Variants in MACROD1 observed in about 807,000 individuals in gnomAD.
The protein encoded by MACROD1 is ADP-ribose glycohydrolase MACROD1.
A neutral mutation model predicts 41.4 loss-of-function variants in MACROD1; 31 were observed. The ratio of observed to expected loss-of-function variants is 0.75; its 90% CI spans 0.56 to 1.01. The LOEUF (loss-of-function observed/expected upper bound fraction) is 1.01. Ranked by LOEUF, MACROD1 falls within the 50% of genes least tolerant of loss-of-function variation. The pLI, the probability that MACROD1 is intolerant of heterozygous loss-of-function variation, is 0.00. For missense variants in MACROD1, 473 were observed against 460.0 expected (o/e 1.03, Z -0.26); for synonymous variants, 252 against 203.4 (o/e 1.24, Z -2.03).
At chr11:64,054,885 C>T (rs1372553516) in intron 3 of MACROD1, among the ~76,000 whole-genome samples, 2 of 152,048 alleles carry the variant, frequency 1.3e-5, no homozygotes, top group Admixed American at 6.6e-5. Flanking sequence ...GTGACAAATA[C>T]CCCCACTACT....
chr11:64,143,377 G>A (rs909659612), intron 3 of MACROD1, among the ~76,000 whole-genome samples: 2 of 152,046 alleles, frequency 1.3e-5, no homozygotes, highest in East Asian at 1.9e-4. Flanking sequence ...ACTCAGACAC[G>A]AGGCAACGTG....
intron 2 of MACROD1, 79 bp from the exon 3 acceptor site, chr11:64,151,434 G>T: frequency 9.4e-7 from 1 of 1,066,124 alleles, no homozygotes; most frequent in South Asian, 1.3e-5. Flanking sequence ...AGGGGCCAGG[G>T]CCTTCCCTAT....
chr11:64,116,959 G>C, intron 3 of MACROD1: 1 of 1,611,732 alleles, frequency 6.2e-7, no homozygotes, highest in Non-Finnish European at 8.5e-7. Context: ...GTGCTGGACG[G>C]TAACCTGCTG....
rs536887110 is a variant in MACROD1, at chr11:64,098,275, G to A, written c.517+52964C>T. 8.1e-4 allele frequency among the ~76,000 whole-genome samples: 124 copies of A among 152,228 alleles called. 1 individual carries two copies. Among genetic ancestry groups the A allele is most frequent in the African/African-American group, 2.7e-3 (113 of 41,536 alleles). On this transcript the variant is annotated intron_variant, in intron 3 of 10. Transcript: ENST00000255681. ...AGAGCGCCCCTAAGGCCAGGCTCCG[G>A]GCCCTGCTTCAGCTCGGATCACGGC... is the stretch of plus-strand genomic sequence containing the variant.
intron 3 of MACROD1, among the ~76,000 whole-genome samples, chr11:64,027,595 C>A (rs1041010960): frequency 2.0e-5 from 3 of 152,146 alleles, no homozygotes; most frequent in Non-Finnish European, 2.9e-5. Context: ...GGGGCTTCCA[C>A]CACCCTCTGC....
At chr11:64,044,251 CT>C (rs34174027) in intron 3 of MACROD1, among the ~76,000 whole-genome samples, 491 of 140,308 alleles carry the variant, frequency 3.5e-3, no homozygotes, top group Admixed American at 4.6e-3. Context: ...CCCCCAACAA[CT>C]TTTTTTTTTT....
intron 3 of MACROD1, among the ~76,000 whole-genome samples, chr11:64,129,264 C>T (rs746906051): frequency 1.3e-5 from 2 of 152,228 alleles, no homozygotes; most frequent in South Asian, 2.1e-4. Context: ...CCATGGGCTC[C>T]GCCAGTTACC....
At chr11:64,118,058 G>A (rs779193903) in intron 3 of MACROD1, 13 of 1,613,530 alleles carry the variant, frequency 8.1e-6, no homozygotes, top group Admixed American at 1.7e-5. Flanking sequence ...GCAGGAAAAA[G>A]GATGACTATA....
chr11:64,083,919 G>C (rs1251255848), intron 3 of MACROD1, among the ~76,000 whole-genome samples: 2 of 152,208 alleles, frequency 1.3e-5, no homozygotes, highest in Non-Finnish European at 2.9e-5. Flanking sequence ...CCGGCCCCGT[G>C]GGCAGGGGCA....
chr11:64,062,048 A>G (rs1409333931), intron 3 of MACROD1, among the ~76,000 whole-genome samples: 3 of 146,210 alleles, frequency 2.1e-5, no homozygotes, highest in Non-Finnish European at 3.0e-5. Flanking sequence ...GTCCTGTCCA[A>G]AGCCTCTGCC....
intron 3 of MACROD1, among the ~76,000 whole-genome samples, chr11:64,051,104 G>C (rs1204364408): frequency 6.6e-6 from 1 of 152,230 alleles, no homozygotes; most frequent in African/African-American, 2.4e-5. Context: ...CATGGATGCT[G>C]CCTGTGGGTG....
At position 64,146,210 on chromosome 11, in the gene MACROD1, C is replaced by A. The variant is rs749118590; in HGVS notation, c.517+5029G>T. Among the ~76,000 whole-genome samples the A allele has an allele frequency of 1.1e-4, 16 of 152,086 alleles. No homozygotes were observed. Among genetic ancestry groups the A allele is most frequent in the South Asian group, 2.1e-4 (1 of 4,818 alleles). On this transcript the variant is annotated intron_variant, in intron 3 of 10. Coordinates refer to ENST00000255681, the MANE Select transcript of MACROD1 (RefSeq NM_014067.4). The surrounding 1 kb of genome is among the most constrained non-coding windows in gnomAD (Gnocchi z 4.7). ...AGGTGGCCTAGTCAAGGTCACTGCA[C>A]CCCCGTGGTAAAAAGGAGACATAAA...
chr11:64,158,377 G>A (rs1945701649), intron 1 of MACROD1, among the ~76,000 whole-genome samples: 1 of 152,206 alleles, frequency 6.6e-6, no homozygotes, highest in Non-Finnish European at 1.5e-5. Flanking sequence ...TCTGGGCCAT[G>A]ATATATAAAA....
At chr11:64,002,801 T>G (rs1234364748) in intron 4 of MACROD1, among the ~76,000 whole-genome samples, 1 of 152,190 alleles carries the variant, frequency 6.6e-6, no homozygotes, top group Non-Finnish European at 1.5e-5. Flanking sequence ...AGACTCAAGC[T>G]TCCTGGGGTC....
intron 3 of MACROD1, chr11:64,117,471 G>A: frequency 6.2e-7 from 1 of 1,612,824 alleles, no homozygotes; most frequent in Non-Finnish European, 8.5e-7. Context: ...CCACGCCTCT[G>A]CCACCACGCC....
intron 1 of MACROD1, among the ~76,000 whole-genome samples, chr11:64,163,779 T>A (rs1474310709): frequency 1.3e-5 from 2 of 152,224 alleles, no homozygotes; most frequent in Non-Finnish European, 2.9e-5. Flanking sequence ...TTTGCTGTTT[T>A]ACGCCACTAA....
At chr11:64,106,901 A>C (rs1483231546) in intron 3 of MACROD1, among the ~76,000 whole-genome samples, 2 of 149,962 alleles carry the variant, frequency 1.3e-5, no homozygotes, top group Non-Finnish European at 3.0e-5. Context: ...TTTTTTTTTG[A>C]GATAGGGTCT....
At chr11:64,010,049 G>A (rs944239832) in intron 4 of MACROD1, among the ~76,000 whole-genome samples, 5 of 148,406 alleles carry the variant, frequency 3.4e-5, no homozygotes, top group East Asian at 2.1e-4. Context: ...TGGTTGGGGT[G>A]TTGGCTGGGG....
chr11:64,106,108 C>A (rs1944758424), intron 3 of MACROD1, among the ~76,000 whole-genome samples: 1 of 152,142 alleles, frequency 6.6e-6, no homozygotes, highest in African/African-American at 2.4e-5. Context: ...CAAGAGTCTC[C>A]CTTTGGGGTC....
Sources: allele counts gnomAD v4.1 joint callset (sites outside exome capture counted in the v4.1 genomes callset), GRCh38; gene constraint gnomAD v4.1.1; non-coding constraint Gnocchi (gnomAD v3.1); transcripts MANE v1.5; gene names NCBI Gene and HGNC (gene_info 2026-07-23, HGNC 2026-07-21).